The following PITPNC1 variants were observed in gnomAD, a reference collection of about 807,000 sequenced individuals.
PITPNC1 encodes the protein phosphatidylinositol transfer protein cytoplasmic 1.
A neutral mutation model predicts 44.7 loss-of-function variants in PITPNC1; 18 were observed. That is an observed-to-expected ratio of 0.40 (90% CI 0.28 to 0.60). The LOEUF (loss-of-function observed/expected upper bound fraction) is 0.60. PITPNC1 is among the 20% of genes least tolerant of loss of function. The pLI is 0.39. For missense variants in PITPNC1, 290 were observed against 418.4 expected (o/e 0.69, Z 2.68); for synonymous variants, 141 against 149.6 (o/e 0.94, Z 0.42).
intron 1 of PITPNC1, among the ~76,000 whole-genome samples, chr17:67,403,126 T>G (rs1344321171): frequency 2.0e-5 from 3 of 148,686 alleles, no homozygotes; most frequent in African/African-American, 7.4e-5. Flanking sequence ...GTGAAGTGCT[T>G]GTGCCTGTAA....
chr17:67,637,080 A>G lies in PITPNC1; in HGVS notation c.462+4842A>G, dbSNP rs573054381. On this transcript the variant is annotated intron_variant, in intron 6 of 8. Transcript: ENST00000581322. ...GGTTATGCTAGCTCATCACTATGGC[A>G]TGAGCTCTGCGAAGACAAGAGCTGG... Among the ~76,000 whole-genome samples the G allele has an allele frequency of 2.6e-5, 4 of 152,296 alleles. 1 individual carries two copies. In the South Asian group the frequency reaches 6.2e-4, roughly 24 times the overall value.
At chr17:67,449,109 T>G (rs181683903) in intron 1 of PITPNC1, among the ~76,000 whole-genome samples, 2 of 152,352 alleles carry the variant, frequency 1.3e-5, no homozygotes, top group Non-Finnish European at 2.9e-5. Flanking sequence ...TGCTCCTTAT[T>G]CAGTGCTAAC....
At chr17:67,409,125 C>T (rs571953726) in intron 1 of PITPNC1, among the ~76,000 whole-genome samples, 176 of 138,336 alleles carry the variant, frequency 1.3e-3, no homozygotes, top group Non-Finnish European at 9.8e-4. Flanking sequence ...TCGCCCAGGC[C>T]GGACTGCGGA....
At chr17:67,383,057 G>A (rs2037988489) in intron 1 of PITPNC1, among the ~76,000 whole-genome samples, 1 of 151,400 alleles carries the variant, frequency 6.6e-6, no homozygotes, top group South Asian at 2.1e-4. Context: ...GTGCAGTGGC[G>A]CAATCTTGGC....
At chr17:67,591,022 C>G (rs562748860) in intron 5 of PITPNC1, among the ~76,000 whole-genome samples, 1 of 151,856 alleles carries the variant, frequency 6.6e-6, no homozygotes, top group African/African-American at 2.4e-5. Flanking sequence ...ACCACCTTAA[C>G]CAAATGTCTG....
At chr17:67,464,863 C>T (rs1007281665) in intron 1 of PITPNC1, among the ~76,000 whole-genome samples, 3 of 152,068 alleles carry the variant, frequency 2.0e-5, no homozygotes, top group Non-Finnish European at 4.4e-5. Context: ...TCTCAGCCTC[C>T]TGAGTAGCTG....
chr17:67,399,419 C>T (rs1373617841), intron 1 of PITPNC1, among the ~76,000 whole-genome samples: 1 of 152,136 alleles, frequency 6.6e-6, no homozygotes, highest in Admixed American at 6.6e-5. Context: ...ACTTCTTGAA[C>T]CACTACTGCA....
intron 1 of PITPNC1, among the ~76,000 whole-genome samples, chr17:67,444,333 C>T (rs1019220960): frequency 5.3e-5 from 8 of 152,104 alleles, no homozygotes; most frequent in Admixed American, 1.3e-4. Flanking sequence ...AGGAGGAATA[C>T]GGATTTTGGC....
intron 1 of PITPNC1, among the ~76,000 whole-genome samples, chr17:67,422,675 G>A (rs917230749): frequency 6.6e-6 from 1 of 152,042 alleles, no homozygotes; most frequent in African/African-American, 2.4e-5. Context: ...AGCCTCCTGC[G>A]TAGCTGGGAT....
chr17:67,573,896 CAGAA>C (rs1276389460), intron 4 of PITPNC1, among the ~76,000 whole-genome samples: 1 of 152,068 alleles, frequency 6.6e-6, no homozygotes, highest in Non-Finnish European at 1.5e-5. Context: ...TTTATGAAGA[CAGAA>C]AGAGATACGG....
chr17:67,448,228 T>C (rs1440937788), intron 1 of PITPNC1, among the ~76,000 whole-genome samples: 1 of 152,238 alleles, frequency 6.6e-6, no homozygotes, highest in Non-Finnish European at 1.5e-5. Flanking sequence ...ATTACAGGCA[T>C]GAGCCACTGC....
chr17:67,692,691 G>T lies in PITPNC1; in HGVS notation c.802G>T (p.Val268Phe). The change falls in exon 9 of 9, where the codon GTC becomes TTC. Residue 268 changes from valine (V) to phenylalanine (F), a missense_variant. Val to Phe is a conservative substitution (Grantham distance 50). Transcript: ENST00000581322. ...ISSIPLLPSSVRSAPSSAPST... is the reference protein window; with the variant it reads ...ISSIPLLPSSFRSAPSSAPST... ...CAGCATCCCCCTGCTGCCTTCTTCCGTCCGCAGTGCGCCTTCTAGTGCTCC... is the reference window on the plus strand; with the variant it reads ...CAGCATCCCCCTGCTGCCTTCTTCCTTCCGCAGTGCGCCTTCTAGTGCTCC... 6.2e-7 allele frequency: 1 copy of T among 1,613,702 alleles called. No individual in the cohort carries two copies. The highest frequency in any genetic ancestry group is 8.5e-7 in the Non-Finnish European group (1 of 1,179,772).
chr17:67,436,908 G>GTTGT (rs2038945022), intron 1 of PITPNC1, among the ~76,000 whole-genome samples: 1 of 68,418 alleles, frequency 1.5e-5, no homozygotes, highest in Admixed American at 1.8e-4. Flanking sequence ...AAATAGGGGT[G>GTTGT]TTTTTTTTTT....
intron 4 of PITPNC1, among the ~76,000 whole-genome samples, chr17:67,559,906 A>C (rs987183820): frequency 6.6e-6 from 1 of 152,134 alleles, no homozygotes; most frequent in Non-Finnish European, 1.5e-5. Context: ...AAAAAAACCC[A>C]AAAACAAAGA....
At chr17:67,566,869 G>A (rs2144204015) in intron 4 of PITPNC1, among the ~76,000 whole-genome samples, 1 of 152,304 alleles carries the variant, frequency 6.6e-6, no homozygotes, top group African/African-American at 2.4e-5. Flanking sequence ...GAGATCACAA[G>A]CATGCATGTC....
chr17:67,509,274 C>T (rs1415030006), intron 1 of PITPNC1, among the ~76,000 whole-genome samples: 1 of 151,680 alleles, frequency 6.6e-6, no homozygotes, highest in Non-Finnish European at 1.5e-5. Context: ...CGTGGTGGCT[C>T]ATGCCTGTGA....
At chr17:67,589,787 G>T (rs2041366564) in intron 5 of PITPNC1, among the ~76,000 whole-genome samples, 1 of 152,084 alleles carries the variant, frequency 6.6e-6, no homozygotes, top group Non-Finnish European at 1.5e-5. Flanking sequence ...GGCCAACATG[G>T]TGAAACCCCA....
At chr17:67,454,820 C>CT (rs35832239) in intron 1 of PITPNC1, among the ~76,000 whole-genome samples, 5,570 of 127,874 alleles carry the variant, frequency 0.044, 209 homozygotes, top group African/African-American at 0.086. Context: ...TTTTATTTTC[C>CT]TTTTTTTTTT....
intron 4 of PITPNC1, among the ~76,000 whole-genome samples, chr17:67,556,674 G>A (rs2040842100): frequency 6.6e-6 from 1 of 152,136 alleles, no homozygotes; most frequent in Non-Finnish European, 1.5e-5. Flanking sequence ...CTGAATCTCT[G>A]CTGGCAGCTC....
Sources: gnomAD v4.1 joint callset for allele counts (sites outside exome capture counted in the v4.1 genomes callset) on GRCh38, gnomAD v4.1.1 for gene constraint, MANE v1.5 for transcripts, NCBI Gene and HGNC (gene_info 2026-07-23, HGNC 2026-07-21) for gene names.